CDK14: variants seen among roughly 807,000 people sequenced by gnomAD.
CDK14 encodes the protein cyclin dependent kinase 14, also known as cyclin-dependent kinase 14.
In CDK14, 34 loss-of-function variants were observed where a neutral mutation model predicts 60.7. That is an observed-to-expected ratio of 0.56 (90% CI 0.43 to 0.75). The LOEUF (loss-of-function observed/expected upper bound fraction) is 0.75. CDK14 is among the 30% of genes least tolerant of loss of function. The pLI, the probability that CDK14 is intolerant of heterozygous loss-of-function variation, is 0.00. For synonymous variants in CDK14, 197 were observed against 203.7 expected, an observed-to-expected ratio of 0.97 and a Z score of 0.28; for missense variants, 482 against 564.1, an observed-to-expected ratio of 0.85 and a Z score of 1.47.
chr7:90,896,006 A>C (rs191340973), intron 6 of CDK14, among the ~76,000 whole-genome samples: 142 of 151,936 alleles, frequency 9.3e-4, no homozygotes, highest in Non-Finnish European at 1.8e-3. Context: ...TAATTGTTCA[A>C]ACTTATTGTT....
intron 6 of CDK14, among the ~76,000 whole-genome samples, chr7:90,870,101 A>C (rs1468111514): frequency 2.0e-5 from 3 of 152,210 alleles, no homozygotes; most frequent in Non-Finnish European, 4.4e-5. Flanking sequence ...GTCAAGATTC[A>C]TAAAATACCA....
chr7:90,866,452 A>G (rs1215093249), intron 6 of CDK14, among the ~76,000 whole-genome samples: 1 of 152,162 alleles, frequency 6.6e-6, no homozygotes, highest in East Asian at 1.9e-4. Context: ...ATACCATTGT[A>G]AGTTAAACAG....
At chr7:90,865,408 T>G (rs980072232) in intron 6 of CDK14, among the ~76,000 whole-genome samples, 4 of 152,214 alleles carry the variant, frequency 2.6e-5, no homozygotes, top group African/African-American at 7.2e-5. Context: ...AATTGCTTGT[T>G]CTTTGTAAAT....
intron 10 of CDK14, among the ~76,000 whole-genome samples, chr7:91,035,935 C>G (rs1796919544): frequency 6.7e-6 from 1 of 150,270 alleles, no homozygotes; most frequent in African/African-American, 2.4e-5. Flanking sequence ...GCTCTGCTTC[C>G]CGGGTTCACG....
chr7:90,914,445 T>C (rs1793006964), intron 7 of CDK14, among the ~76,000 whole-genome samples: 1 of 152,192 alleles, frequency 6.6e-6, no homozygotes, highest in African/African-American at 2.4e-5. Context: ...GTTCCTCAAG[T>C]CTAGGGACCA....
intron 8 of CDK14, among the ~76,000 whole-genome samples, chr7:90,928,473 T>C (rs1347372751): frequency 6.6e-6 from 1 of 152,122 alleles, no homozygotes; most frequent in African/African-American, 2.4e-5. Flanking sequence ...TCTGTTGGAG[T>C]TTGCTGGAGG....
chr7:90,748,478 C>T (rs191092131), intron 4 of CDK14, among the ~76,000 whole-genome samples: 20 of 152,282 alleles, frequency 1.3e-4, no homozygotes, highest in Admixed American at 1.2e-3. Context: ...CTGCAACAAC[C>T]ACAGAAGTCA....
At chr7:91,016,609 G>A (rs937838209) in intron 10 of CDK14, among the ~76,000 whole-genome samples, 1 of 152,158 alleles carries the variant, frequency 6.6e-6, no homozygotes, top group African/African-American at 2.4e-5. Context: ...TACTTCTTGA[G>A]AGCTTTGCAG....
chr7:90,807,934 G>C (rs554071734), intron 5 of CDK14, among the ~76,000 whole-genome samples: 99 of 152,244 alleles, frequency 6.5e-4, no homozygotes, highest in Non-Finnish European at 1.1e-3. Context: ...AAAAAGAAAT[G>C]AACAAAGCCT....
At chr7:90,955,135 A>C (rs889219581) in intron 8 of CDK14, among the ~76,000 whole-genome samples, 3 of 152,078 alleles carry the variant, frequency 2.0e-5, no homozygotes, top group Non-Finnish European at 2.9e-5. Context: ...ATTTATTTAG[A>C]TGTTTTTTCA....
intron 2 of CDK14, among the ~76,000 whole-genome samples, chr7:90,642,107 G>A (rs2374332): frequency 0.85 from 129,668 of 152,244 alleles, 55,335 homozygotes; most frequent in East Asian, 1. Flanking sequence ...GAGTGGGGAC[G>A]CAGAGCCAAA....
At chr7:90,782,887 T>C (rs2116937544) in intron 4 of CDK14, among the ~76,000 whole-genome samples, 1 of 152,286 alleles carries the variant, frequency 6.6e-6, no homozygotes, top group Non-Finnish European at 1.5e-5. Context: ...TAGGGACTAC[T>C]TTGATCCAGG....
intron 14 of CDK14, among the ~76,000 whole-genome samples, chr7:91,129,813 A>G (rs139548778): frequency 6.6e-6 from 1 of 152,276 alleles, no homozygotes; most frequent in African/African-American, 2.4e-5. Context: ...ATATAAACAA[A>G]TGTGATTTTT....
chr7:90,883,268 AC>A (rs2117291834), intron 6 of CDK14, among the ~76,000 whole-genome samples: 1 of 152,334 alleles, frequency 6.6e-6, no homozygotes, highest in South Asian at 2.1e-4. Flanking sequence ...AGGGGATATC[AC>A]CACTGACCCC....
intron 14 of CDK14, among the ~76,000 whole-genome samples, chr7:91,188,201 G>T (rs953263386): frequency 6.6e-6 from 1 of 151,742 alleles, no homozygotes; most frequent in African/African-American, 2.4e-5. Context: ...TAAAAAAAAA[G>T]AACTTTGATT....
intron 14 of CDK14, among the ~76,000 whole-genome samples, chr7:91,143,757 G>C (rs560175608): frequency 3.3e-5 from 5 of 152,066 alleles, no homozygotes; most frequent in African/African-American, 1.2e-4. Context: ...CACTTAATGA[G>C]TGCTTACTGC....
chr7:91,146,455 C>A (rs984916711), intron 14 of CDK14, among the ~76,000 whole-genome samples: 1 of 152,162 alleles, frequency 6.6e-6, no homozygotes, highest in Non-Finnish European at 1.5e-5. Context: ...CTTGCCTCAG[C>A]CTCCCACAGT....
At chr7:90,882,407 A>T (rs1175200396) in intron 6 of CDK14, among the ~76,000 whole-genome samples, 2 of 152,244 alleles carry the variant, frequency 1.3e-5, no homozygotes, top group South Asian at 2.1e-4. Context: ...TATTCTAAAT[A>T]TGTATGTACC....
chr7:91,156,803 G>A (rs556712447), intron 14 of CDK14, among the ~76,000 whole-genome samples: 1 of 152,244 alleles, frequency 6.6e-6, no homozygotes, highest in Non-Finnish European at 1.5e-5. Flanking sequence ...CTCTTGGCAG[G>A]GTCCACACTT....
Sources: allele counts gnomAD v4.1 joint callset (sites outside exome capture counted in the v4.1 genomes callset), GRCh38; gene constraint gnomAD v4.1.1; transcripts MANE v1.5; gene names NCBI Gene and HGNC (gene_info 2026-07-23, HGNC 2026-07-21).